ANO3: variants seen among roughly 807,000 people sequenced by gnomAD.
The protein encoded by ANO3 is anoctamin 3.
A neutral mutation model predicts 144.8 loss-of-function variants in ANO3; 99 were observed. That is an observed-to-expected ratio of 0.68 (90% CI 0.58 to 0.81). The LOEUF is 0.81. Among genes scored for constraint, ANO3 ranks in the 30% least tolerant of loss-of-function variants. The pLI is 0.00. For synonymous variants in ANO3, 414 were observed against 392.6 expected, an observed-to-expected ratio of 1.05 and a Z score of -0.64; for missense variants, 905 against 1,202.2, an observed-to-expected ratio of 0.75 and a Z score of 3.66.
intron 17 of ANO3, among the ~76,000 whole-genome samples, chr11:26,600,102 A>G (rs957460203): frequency 1.3e-5 from 2 of 152,164 alleles, no homozygotes; most frequent in Non-Finnish European, 2.9e-5. Context: ...AGATATGGGA[A>G]AATCTTTTTG....
chr11:26,519,695 T>C lies in ANO3; in HGVS notation c.692+2768T>C, dbSNP rs927778417. ...GATTCCACTCTTATGACCTAAATAC[T>C]TCCCAAAGGCCCCACCTCCAAGAAC... On this transcript the variant is annotated intron_variant, in intron 6 of 26. Transcript: ENST00000256737. Among the ~76,000 whole-genome samples the C allele has an allele frequency of 1.1e-4, 16 of 152,288 alleles. No individual in the cohort carries two copies. In the East Asian group the frequency reaches 2.9e-3, roughly 28 times the overall value.
At chr11:26,460,417 A>T (rs1384507505) in intron 3 of ANO3, among the ~76,000 whole-genome samples, 1 of 23,826 alleles carries the variant, frequency 4.2e-5, no homozygotes, top group African/African-American at 1.3e-4. Context: ...AAAGAAGAAG[A>T]AAGGGGGGGG....
intron 4 of ANO3, among the ~76,000 whole-genome samples, chr11:26,465,411 A>G (rs1230869389): frequency 2.6e-5 from 4 of 151,734 alleles, no homozygotes; most frequent in African/African-American, 9.7e-5. Flanking sequence ...ATGCAATGTA[A>G]CCAATATTTT....
chr11:26,548,465 A>G (rs1849845963), intron 12 of ANO3, among the ~76,000 whole-genome samples: 1 of 151,890 alleles, frequency 6.6e-6, no homozygotes, highest in Non-Finnish European at 1.5e-5. Flanking sequence ...CTTTTGGTCC[A>G]TTTTTTAACC....
chr11:26,458,868 T>C (rs1016928891), intron 3 of ANO3, among the ~76,000 whole-genome samples: 1 of 152,134 alleles, frequency 6.6e-6, no homozygotes, highest in African/African-American at 2.4e-5. Flanking sequence ...TATGTACATA[T>C]ATAGCATATA....
chr11:26,403,708 G>C (rs184324908), intron 1 of ANO3, among the ~76,000 whole-genome samples: 1 of 151,742 alleles, frequency 6.6e-6, no homozygotes, highest in Admixed American at 6.6e-5. Flanking sequence ...TCCTTATCAA[G>C]GTCTACAAGC....
intron 1 of ANO3, among the ~76,000 whole-genome samples, chr11:26,436,275 T>C (rs1049250786): frequency 5.9e-5 from 9 of 152,194 alleles, no homozygotes; most frequent in Admixed American, 5.2e-4. Context: ...GATGGTAACC[T>C]GCCCCTCACA....
At chr11:26,599,773 CTA>C (rs1184438286) in intron 17 of ANO3, 59 bp downstream of exon 17, 1 of 1,442,722 alleles carries the variant, frequency 6.9e-7, no homozygotes, top group Non-Finnish European at 9.4e-7. Context: ...GGGGAGAGGT[CTA>C]TGTTTCCTTT....
At chr11:26,336,544 G>C (rs1855198186) in intron 1 of ANO3, among the ~76,000 whole-genome samples, 1 of 152,146 alleles carries the variant, frequency 6.6e-6, no homozygotes, top group African/African-American at 2.4e-5. Context: ...TGTTGCTATT[G>C]CAAGTGCACA....
chr11:26,448,799 G>T (rs1858806524), intron 3 of ANO3, among the ~76,000 whole-genome samples: 1 of 152,086 alleles, frequency 6.6e-6, no homozygotes, highest in African/African-American at 2.4e-5. Flanking sequence ...AGGTCCTCTT[G>T]CCTCAATTTT....
At chr11:26,639,374 C>A in intron 21 of ANO3, 133 bp downstream of exon 21, 1 of 647,714 alleles carries the variant, frequency 1.5e-6, no homozygotes, top group Non-Finnish European at 2.7e-6. Context: ...CTGCTCCTTA[C>A]TAAATGTCTG....
At chr11:26,234,728 C>A (rs1852477332) in intron 1 of ANO3, among the ~76,000 whole-genome samples, 1 of 152,076 alleles carries the variant, frequency 6.6e-6, no homozygotes, top group South Asian at 2.1e-4. Flanking sequence ...CCACATTATG[C>A]CCCTTTGTTC....
At chr11:26,628,276 T>C (rs1160368466) in intron 18 of ANO3, among the ~76,000 whole-genome samples, 1 of 152,162 alleles carries the variant, frequency 6.6e-6, no homozygotes, top group Non-Finnish European at 1.5e-5. Context: ...TACCTTACAG[T>C]GTTAAAATCG....
At chr11:26,450,043 A>T (rs1435457838) in intron 3 of ANO3, among the ~76,000 whole-genome samples, 3 of 152,188 alleles carry the variant, frequency 2.0e-5, no homozygotes, top group Non-Finnish European at 2.9e-5. Context: ...GGGGTGAGCC[A>T]CTGTGCCCAG....
At chr11:26,497,246 A>G (rs1861000725) in intron 4 of ANO3, among the ~76,000 whole-genome samples, 1 of 151,998 alleles carries the variant, frequency 6.6e-6, no homozygotes, top group East Asian at 1.9e-4. Flanking sequence ...ATATGTGTGT[A>G]GATAGATACA....
rs942195320 is a variant in ANO3, at chr11:26,428,574, C to A, written c.47-13344C>A. 2.0e-5 allele frequency among the ~76,000 whole-genome samples: 3 copies of A among 152,148 alleles called. No homozygotes were observed. In the South Asian group the frequency reaches 6.2e-4, roughly 32 times the overall value. On this transcript the variant is annotated intron_variant, in intron 1 of 26. Transcript: ENST00000256737. ...CTGTTTGTTCTTCAGGTATTGATAT[C>A]ATATGAAAATAGTTTTCATCATGTT... is the stretch of plus-strand genomic sequence containing the variant.
chr11:26,491,516 C>A (rs1244762308), intron 4 of ANO3, among the ~76,000 whole-genome samples: 1 of 152,078 alleles, frequency 6.6e-6, no homozygotes, highest in Non-Finnish European at 1.5e-5. Flanking sequence ...TGCCTCTGAG[C>A]AAGGGAAACA....
chr11:26,224,433 C>T (rs1186142857), intron 1 of ANO3, among the ~76,000 whole-genome samples: 1 of 152,202 alleles, frequency 6.6e-6, no homozygotes, highest in Non-Finnish European at 1.5e-5. Context: ...GAAAATAGTC[C>T]ATGTTGCTAT....
intron 14 of ANO3, among the ~76,000 whole-genome samples, chr11:26,582,598 A>G (rs967955955): frequency 1.3e-5 from 2 of 152,220 alleles, no homozygotes; most frequent in African/African-American, 2.4e-5. Context: ...ACTTCTGAGT[A>G]TCAGCAAGGT....
Sources: gnomAD v4.1 joint callset for allele counts (sites outside exome capture counted in the v4.1 genomes callset) on GRCh38, gnomAD v4.1.1 for gene constraint, MANE v1.5 for transcripts, NCBI Gene and HGNC (gene_info 2026-07-23, HGNC 2026-07-21) for gene names.